The following LUC7L variants were observed in gnomAD, a reference collection of about 807,000 sequenced individuals.
LUC7L encodes the protein LUC7 like.
LUC7L carries 29 observed loss-of-function variants against 51.1 expected under a neutral mutation model. The ratio of observed to expected loss-of-function variants is 0.57; its 90% CI spans 0.42 to 0.77. The LOEUF is 0.77. LUC7L is among the 30% of genes least tolerant of loss of function. The pLI is 0.00. For missense variants in LUC7L, 403 were observed against 511.9 expected (o/e 0.79, Z 2.05); for synonymous variants, 181 against 180.7 (o/e 1.00, Z -0.01).
At chr16:205,716 A>G (rs2049465237) in intron 5 of LUC7L, among the ~76,000 whole-genome samples, 1 of 152,100 alleles carries the variant, frequency 6.6e-6, no homozygotes, top group East Asian at 1.9e-4. Context: ...CAGCCTCCGG[A>G]GCAGCTGGGA....
At chr16:198,945 G>A (rs200867644) in intron 6 of LUC7L, 117 bp downstream of exon 6, 5 of 987,238 alleles carry the variant, frequency 5.1e-6, no homozygotes, top group Non-Finnish European at 7.2e-6. Flanking sequence ...CTCCCAAAGT[G>A]CTGGGATTAT....
intron 7 of LUC7L, 181 bp from the exon 8 acceptor site, chr16:190,751 G>A (rs534206342): frequency 1.8e-5 from 11 of 601,670 alleles, no homozygotes; most frequent in African/African-American, 1.5e-4. Context: ...GTGGTGGCGG[G>A]TGCCTGTAAT....
chr16:221,502 G>A (rs1269033008), intron 2 of LUC7L, among the ~76,000 whole-genome samples: 6 of 152,018 alleles, frequency 3.9e-5, no homozygotes, highest in Non-Finnish European at 5.9e-5. Flanking sequence ...AGGAGTTCAA[G>A]GCCAGCCTGC....
At chr16:229,143 G>A in intron 1 of LUC7L, 136 bp downstream of exon 1, 2 of 1,412,470 alleles carry the variant, frequency 1.4e-6, no homozygotes, top group Non-Finnish European at 1.8e-6. Context: ...GGCGCCTGCG[G>A]TCGGAGCGCG....
intron 3 of LUC7L, among the ~76,000 whole-genome samples, chr16:217,575 T>A (rs116686058): frequency 6.6e-6 from 1 of 151,076 alleles, no homozygotes; most frequent in Non-Finnish European, 1.5e-5. Flanking sequence ...GGCGTAGCGA[T>A]GTGCACCTGT....
chr16:194,243 T>C (rs1469900810), intron 6 of LUC7L, among the ~76,000 whole-genome samples: 1 of 152,196 alleles, frequency 6.6e-6, no homozygotes, highest in Non-Finnish European at 1.5e-5. Flanking sequence ...TAGCTGGGAC[T>C]ATAGGCGTGT....
chr16:227,489 A>G, intron 1 of LUC7L, 153 bp from the exon 2 acceptor site: 1 of 1,451,780 alleles, frequency 6.9e-7, no homozygotes, highest in Non-Finnish European at 9.1e-7. Flanking sequence ...AGATATTTAC[A>G]ACTGGAGTGG....
chr16:218,155 G>A lies in LUC7L; in HGVS notation c.255+2494C>T, dbSNP rs182217954. ...TTACAGTGAGCTAAGATCATGCCACGGCACTCCAGCCGAGGCAACAACAGT... is the reference window on the plus strand; with the variant it reads ...TTACAGTGAGCTAAGATCATGCCACAGCACTCCAGCCGAGGCAACAACAGT... On this transcript the variant is annotated intron_variant, in intron 3 of 9. Transcript: ENST00000293872. Among the ~76,000 whole-genome samples the A allele has an allele frequency of 1.3e-4, 20 of 151,590 alleles. No homozygotes were observed. In the East Asian group the frequency reaches 1.6e-3, roughly 12 times the overall value.
At chr16:189,512 C>A in intron 9 of LUC7L, 173 bp from the exon 10 acceptor site, 1 of 1,397,268 alleles carries the variant, frequency 7.2e-7, no homozygotes, top group South Asian at 1.8e-5. Context: ...TGTTAGATAG[C>A]CATTAAAAAG....
chr16:211,119 T>C (rs1390943865), intron 3 of LUC7L, among the ~76,000 whole-genome samples: 3 of 149,716 alleles, frequency 2.0e-5, no homozygotes, highest in East Asian at 3.9e-4. Flanking sequence ...TCCCAACACT[T>C]TGGGAGTCTG....
At chr16:191,369 G>A (rs917234335) in intron 7 of LUC7L, among the ~76,000 whole-genome samples, 9 of 152,188 alleles carry the variant, frequency 5.9e-5, no homozygotes, top group African/African-American at 1.7e-4. Context: ...AAGCTATGAG[G>A]CCTCATTCTA....
At chr16:224,979 G>A (rs2050089861) in intron 2 of LUC7L, among the ~76,000 whole-genome samples, 1 of 152,212 alleles carries the variant, frequency 6.6e-6, no homozygotes, top group East Asian at 1.9e-4. Flanking sequence ...TTGCCAAGGA[G>A]GCAGGGAAAA....
Position 190,145 on chromosome 16 carries a change from C to A in LUC7L, c.807-10G>T. 6.2e-7 allele frequency: 1 copy of A among 1,607,098 alleles called. No individual in the cohort carries two copies. On this transcript the variant is annotated splice_polypyrimidine_tract_variant and intron_variant, in intron 8 of 9. Coordinates refer to ENST00000293872, the MANE Select transcript of LUC7L (RefSeq NM_201412.3). The stretch of plus-strand genomic sequence containing the variant: ...ATCCCGGGAGCGTGACCTGAACAAT[C>A]AGAAGGCTCCAAGGCTGAGACTCTA...
chr16:204,038 C>CA (rs1412331593), intron 5 of LUC7L, among the ~76,000 whole-genome samples: 1 of 151,748 alleles, frequency 6.6e-6, no homozygotes, highest in Non-Finnish European at 1.5e-5. Flanking sequence ...AAACAAAAAC[C>CA]AAAAAACAAA....
At position 213,952 on chromosome 16, in the gene LUC7L, G is replaced by C. The variant is rs914023282; in HGVS notation, c.256-5764C>G. Among the ~76,000 whole-genome samples the C allele has an allele frequency of 2.6e-5, 4 of 151,830 alleles. No individual in the cohort carries two copies. In the South Asian group the frequency reaches 8.3e-4, roughly 32 times the overall value. On this transcript the variant is annotated intron_variant, in intron 3 of 9. Transcript: ENST00000293872. ...GAAGGTCTCCATCTCCTGATCTTGT[G>C]ATCTGCCCACCTCAGCCTCCCAAAG...
Position 229,135 on chromosome 16 carries a change from C to G in LUC7L, c.61+144G>C, listed in dbSNP as rs1037623906. 6 of 1,404,174 alleles carry G rather than the reference C, an allele frequency of 4.3e-6. No individual in the cohort carries two copies. In the African/African-American group the frequency reaches 9.2e-5, roughly 21 times the overall value. 87.0% of individuals were successfully genotyped at this position (1,404,174 alleles called of 1,614,324 possible). ...CGCACCGGCTTAGACAAAGGCCCGG[C>G]GCCTGCGGTCGGAGCGCGGGGGAGG... On this transcript the variant is annotated intron_variant, in intron 1 of 9. Coordinates refer to ENST00000293872, the MANE Select transcript of LUC7L (RefSeq NM_201412.3).
At chr16:217,524 T>C (rs1289155650) in intron 3 of LUC7L, among the ~76,000 whole-genome samples, 1 of 150,658 alleles carries the variant, frequency 6.6e-6, no homozygotes, top group African/African-American at 2.4e-5. Flanking sequence ...CTGGCCAACA[T>C]GACAAAACCC....
chr16:200,716 T>C (rs2049299582), intron 5 of LUC7L, among the ~76,000 whole-genome samples: 1 of 152,012 alleles, frequency 6.6e-6, no homozygotes, highest in South Asian at 2.1e-4. Context: ...ACTCAGTCTC[T>C]AAAAATAAGA....
At position 229,270 on chromosome 16, in the gene LUC7L, C is replaced by G; in HGVS notation, c.61+9G>C. 4 of 1,535,424 alleles carry G rather than the reference C, an allele frequency of 2.6e-6. No individual in the cohort carries two copies. The highest frequency in any genetic ancestry group is 3.5e-6 in the Non-Finnish European group (4 of 1,148,100). ...CCAGACCCTCGCCTGGTTGGCCGCT[C>G]TGACTCACCGTCCCGAGCCGTGCCC... On this transcript the variant is annotated intron_variant, in intron 1 of 9. Coordinates refer to ENST00000293872, the MANE Select transcript of LUC7L (RefSeq NM_201412.3).
Sources: allele counts gnomAD v4.1 joint callset (sites outside exome capture counted in the v4.1 genomes callset), GRCh38; gene constraint gnomAD v4.1.1; transcripts MANE v1.5; gene names NCBI Gene and HGNC (gene_info 2026-07-23, HGNC 2026-07-21).